MAP3K13: variants seen among roughly 807,000 people sequenced by gnomAD.
MAP3K13 encodes the protein mitogen-activated protein kinase kinase kinase 13.
MAP3K13 carries 52 observed loss-of-function variants against 104.0 expected under a neutral mutation model. The ratio of observed to expected loss-of-function variants is 0.50; its 90% CI spans 0.40 to 0.63. MAP3K13 has a LOEUF of 0.63. Among genes scored for constraint, MAP3K13 ranks in the 20% least tolerant of loss-of-function variants. The pLI is 0.00. For missense variants in MAP3K13, 914 were observed against 1,218.5 expected, an observed-to-expected ratio of 0.75 and a Z score of 3.72; for synonymous variants, 394 against 442.2, an observed-to-expected ratio of 0.89 and a Z score of 1.37.
At position 185,454,450 on chromosome 3, in the gene MAP3K13, A is replaced by G. The variant is rs1425004938; in HGVS notation, c.1278+3055A>G. 1.1e-4 allele frequency among the ~76,000 whole-genome samples: 6 copies of G among 56,574 alleles called. 1 individual carries two copies. In the East Asian group the frequency reaches 2.9e-3, roughly 27 times the overall value. The allele number at this position is 56,574 out of a possible 152,430, so 37.1% of individuals were successfully genotyped here. ...TATATGATATATATGAGATATATAT[A>G]TGAGATATATATGATATATATATGA... is the stretch of plus-strand genomic sequence containing the variant. On this transcript the variant is annotated intron_variant, in intron 7 of 13. Transcript: ENST00000265026.
intron 2 of MAP3K13, among the ~76,000 whole-genome samples, chr3:185,340,699 G>A (rs535077996): frequency 1.3e-5 from 2 of 152,048 alleles, no homozygotes; most frequent in Admixed American, 1.3e-4. Context: ...ATTAGATCAC[G>A]GGGGTAGTTT....
At chr3:185,369,572 A>G (rs1486334926) in intron 1 of MAP3K13, among the ~76,000 whole-genome samples, 1 of 152,206 alleles carries the variant, frequency 6.6e-6, no homozygotes, top group Non-Finnish European at 1.5e-5. Flanking sequence ...CTCCCATAGT[A>G]TCACCACTGA....
intron 2 of MAP3K13, among the ~76,000 whole-genome samples, chr3:185,295,038 A>T (rs1720869502): frequency 6.6e-6 from 1 of 152,132 alleles, no homozygotes; most frequent in South Asian, 2.1e-4. Flanking sequence ...ATACAATTCT[A>T]ATCTTTTTGG....
chr3:185,361,870 GC>G (rs1326616556), upstream of MAP3K13, among the ~76,000 whole-genome samples: 1 of 152,148 alleles, frequency 6.6e-6, no homozygotes, highest in Admixed American at 6.5e-5. Context: ...TATGTTGTTT[GC>G]CAACGATATT....
At chr3:185,431,392 C>A (rs1714733156) in intron 2 of MAP3K13, among the ~76,000 whole-genome samples, 3 of 152,258 alleles carry the variant, frequency 2.0e-5, no homozygotes, top group East Asian at 1.9e-4. Context: ...ACATTTTTAG[C>A]TATTATAAGC....
intron 1 of MAP3K13, among the ~76,000 whole-genome samples, chr3:185,394,430 T>C (rs1321183942): frequency 6.6e-6 from 1 of 152,204 alleles, no homozygotes; most frequent in Non-Finnish European, 1.5e-5. Flanking sequence ...TAGAGAAACA[T>C]GTCTCAAGCA....
chr3:185,290,560 A>G (rs957202643), intron 2 of MAP3K13, among the ~76,000 whole-genome samples: 1 of 152,272 alleles, frequency 6.6e-6, no homozygotes, highest in South Asian at 2.1e-4. Flanking sequence ...ATTGAAACCA[A>G]TTTTGTAGAG....
In MAP3K13 at chr3:185,330,880, G is replaced by A. The variant is rs542614062; in HGVS notation, c.-86+45237G>A. 5.3e-4 allele frequency among the ~76,000 whole-genome samples: 80 copies of A among 152,186 alleles called. 1 individual carries two copies. Among genetic ancestry groups the A allele is most frequent in the South Asian group, 2.9e-3 (14 of 4,820 alleles). ...CTCAGGTTGCTCTAGCTACAAAGGTGTTTTGCTTTCTCTTGAACACATCAG... is the reference window on the plus strand; with the variant it reads ...CTCAGGTTGCTCTAGCTACAAAGGTATTTTGCTTTCTCTTGAACACATCAG... On this transcript the variant is annotated intron_variant, in intron 2 of 14. Coordinates refer to the MAP3K13 transcript ENST00000424227.
At chr3:185,309,528 A>AG (rs1721426245) in intron 2 of MAP3K13, among the ~76,000 whole-genome samples, 1 of 118,124 alleles carries the variant, frequency 8.5e-6, no homozygotes, top group Non-Finnish European at 1.9e-5. Context: ...AAAAAAAAAA[A>AG]AAGAAAGAAA....
chr3:185,330,475 G>C (rs771187098), intron 2 of MAP3K13, among the ~76,000 whole-genome samples: 1 of 152,046 alleles, frequency 6.6e-6, no homozygotes, highest in Non-Finnish European at 1.5e-5. Flanking sequence ...TCTGAATCTC[G>C]TGATTCTAGC....
chr3:185,385,328 TTTGTTGTTG>T (rs562304440), intron 1 of MAP3K13, among the ~76,000 whole-genome samples: 9 of 151,948 alleles, frequency 5.9e-5, no homozygotes, highest in Non-Finnish European at 8.8e-5. Flanking sequence ...TTTTTGTATT[TTTGTTGTTG>T]TTGTTGTTGT....
intron 2 of MAP3K13, among the ~76,000 whole-genome samples, chr3:185,298,344 A>G (rs1388817952): frequency 6.6e-6 from 1 of 152,198 alleles, no homozygotes; most frequent in African/African-American, 2.4e-5. Context: ...TTTTAAAAAA[A>G]CCATTTATGT....
chr3:185,425,447 C>T (rs1402756120), intron 1 of MAP3K13, among the ~76,000 whole-genome samples: 1 of 152,202 alleles, frequency 6.6e-6, no homozygotes, highest in Non-Finnish European at 1.5e-5. Context: ...AATTCTACCT[C>T]TTAAATCTTT....
chr3:185,358,704 G>A (rs562603418), upstream of MAP3K13, among the ~76,000 whole-genome samples: 2 of 152,272 alleles, frequency 1.3e-5, no homozygotes, highest in South Asian at 2.1e-4. Flanking sequence ...ATTGACCAAG[G>A]CTCCATATAC....
intron 7 of MAP3K13, among the ~76,000 whole-genome samples, chr3:185,458,411 G>C (rs1008602425): frequency 6.7e-6 from 1 of 150,026 alleles, no homozygotes; most frequent in Non-Finnish European, 1.5e-5. Flanking sequence ...TTATTCTTGA[G>C]TTGCGTACGA....
intron 1 of MAP3K13, among the ~76,000 whole-genome samples, chr3:185,401,595 C>T (rs781589464): frequency 1.6e-4 from 25 of 152,294 alleles, no homozygotes; most frequent in South Asian, 6.2e-4. Flanking sequence ...TTCAGTAAAG[C>T]GGCAGAGGCA....
At chr3:185,292,029 G>A in intron 2 of MAP3K13, 3 of 992,976 alleles carry the variant, frequency 3.0e-6, no homozygotes, top group Non-Finnish European at 3.6e-6. Context: ...AACAGGCTGG[G>A]CACGGTGGCT....
At chr3:185,470,103 C>T (rs1717690933) in intron 10 of MAP3K13, among the ~76,000 whole-genome samples, 3 of 152,164 alleles carry the variant, frequency 2.0e-5, no homozygotes, top group Admixed American at 6.5e-5. Context: ...CCACTTCAAC[C>T]GGTTCCACTA....
At chr3:185,357,966 G>T (rs1243294069) in intron 2 of MAP3K13, among the ~76,000 whole-genome samples, 1 of 152,082 alleles carries the variant, frequency 6.6e-6, no homozygotes, top group East Asian at 1.9e-4. Flanking sequence ...TTAATATAAA[G>T]ATGACTGTAG....
Sources: gnomAD v4.1 joint callset for allele counts (sites outside exome capture counted in the v4.1 genomes callset) on GRCh38, gnomAD v4.1.1 for gene constraint, MANE v1.5 for transcripts, NCBI Gene and HGNC (gene_info 2026-07-23, HGNC 2026-07-21) for gene names.